The following SHOC2 variants were observed in gnomAD, a reference collection of about 807,000 sequenced individuals.
The protein encoded by SHOC2 is SHOC2 leucine rich repeat scaffold protein, also known as leucine-rich repeat protein SHOC-2.
SHOC2 carries 4 observed loss-of-function variants against 50.2 expected under a neutral mutation model. That is an observed-to-expected ratio of 0.08 (90% CI 0.04 to 0.18). SHOC2 has a LOEUF of 0.18. Ranked by LOEUF, SHOC2 falls within the 10% of genes least tolerant of loss-of-function variation. SHOC2 has a pLI of 1.00. For synonymous variants in SHOC2, 218 were observed against 244.5 expected, an observed-to-expected ratio of 0.89 and a Z score of 1.01; for missense variants, 388 against 669.6, an observed-to-expected ratio of 0.58 and a Z score of 4.64.
At chr10:110,980,629 A>T (rs1847958483) in intron 2 of SHOC2, among the ~76,000 whole-genome samples, 2 of 152,164 alleles carry the variant, frequency 1.3e-5, no homozygotes, top group Admixed American at 1.3e-4. Flanking sequence ...TACTCTGATT[A>T]TCATGGTTTG....
intron 2 of SHOC2, among the ~76,000 whole-genome samples, chr10:110,981,728 G>A (rs1413590664): frequency 6.6e-6 from 1 of 151,698 alleles, no homozygotes; most frequent in Admixed American, 6.6e-5. Context: ...CTGTTGATAT[G>A]GTAAATAACA....
intron 1 of SHOC2, among the ~76,000 whole-genome samples, chr10:110,942,635 C>T (rs1481228728): frequency 6.6e-6 from 1 of 152,202 alleles, no homozygotes; most frequent in Non-Finnish European, 1.5e-5. Context: ...CCATACCAGG[C>T]TACCTCTCTG....
At position 111,002,622 on chromosome 10, in the gene SHOC2, A is replaced by G. The variant is rs148017604; in HGVS notation, c.973-1984A>G. Among the ~76,000 whole-genome samples the G allele has an allele frequency of 1.7e-3, 253 of 152,330 alleles. 2 individuals carry two copies. Among genetic ancestry groups the G allele is most frequent in the African/African-American group, 5.6e-3 (234 of 41,566 alleles). ...ATCCTCATCAAACAGATAGCGAAAT[A>G]AGGCTTAAGAGAGGTTATATTTTTG... On this transcript the variant is annotated intron_variant, in intron 4 of 8. Transcript: ENST00000369452.
intron 4 of SHOC2, among the ~76,000 whole-genome samples, chr10:111,001,073 T>TA (rs1716481540): frequency 2.6e-5 from 4 of 151,326 alleles, no homozygotes; most frequent in African/African-American, 7.3e-5. Flanking sequence ...TTTTTTTTTT[T>TA]AACACATTTT....
Position 110,936,990 on chromosome 10 carries a change from G to C in SHOC2, c.-235+17333G>C, listed in dbSNP as rs777051716. 5.5e-6 allele frequency: 8 copies of C among 1,464,796 alleles called. No homozygotes were observed. In the East Asian group the frequency reaches 1.8e-4, roughly 33 times the overall value. The allele number at this position is 1,464,796 out of a possible 1,614,324, so 90.7% of individuals were successfully genotyped here. On this transcript the variant is annotated intron_variant, in intron 1 of 8. Transcript: ENST00000369452. ...TGGGGCAGCATACTTCGCACAGTCA[G>C]CCAGAAGATGGGGCTGGGGGCCCGG...
intron 1 of SHOC2, among the ~76,000 whole-genome samples, chr10:110,928,801 G>C (rs1033005074): frequency 3.3e-5 from 5 of 152,004 alleles, no homozygotes; most frequent in Non-Finnish European, 7.4e-5. Context: ...AGACTGAGGT[G>C]GGAGGATGGC....
chr10:111,002,939 G>A (rs1848406117), intron 4 of SHOC2, among the ~76,000 whole-genome samples: 1 of 152,116 alleles, frequency 6.6e-6, no homozygotes, highest in African/African-American at 2.4e-5. Context: ...AGAATAAAAA[G>A]AATCACATTT....
rs141791891 is a variant in SHOC2, at chr10:111,013,115, G to A, written c.*1297G>A. The A allele has an allele frequency of 2.4e-3, 368 of 152,552 alleles. 3 individuals carry two copies. Among genetic ancestry groups the A allele is most frequent in the African/African-American group, 8.3e-3 (344 of 41,578 alleles). 9.4% of individuals were successfully genotyped at this position (152,552 alleles called of 1,614,324 possible). ...CATTGGGGAGTTCAGTGGAAGTTCT[G>A]TAAGATGTGCATGTACTATTTGATG... On this transcript the variant is annotated 3_prime_UTR_variant, in exon 9 of 9. Transcript: ENST00000369452.
intron 1 of SHOC2, among the ~76,000 whole-genome samples, chr10:110,959,084 G>A (rs1383299785): frequency 1.3e-5 from 2 of 151,936 alleles, no homozygotes; most frequent in African/African-American, 4.8e-5. Context: ...AATGATATTA[G>A]AAAAAAATGA....
intron 2 of SHOC2, among the ~76,000 whole-genome samples, chr10:110,984,658 A>G (rs1353716406): frequency 6.6e-6 from 1 of 152,182 alleles, no homozygotes; most frequent in Admixed American, 6.5e-5. Context: ...GACAAGACCA[A>G]TTAAAAATGA....
chr10:110,981,296 T>C (rs1847972089), intron 2 of SHOC2, among the ~76,000 whole-genome samples: 1 of 152,194 alleles, frequency 6.6e-6, no homozygotes, highest in Non-Finnish European at 1.5e-5. Flanking sequence ...CAGTGCCCAG[T>C]ATTGTGTCTG....
At chr10:110,969,320 G>C (rs1434670579) in intron 2 of SHOC2, among the ~76,000 whole-genome samples, 1 of 152,072 alleles carries the variant, frequency 6.6e-6, no homozygotes, top group African/African-American at 2.4e-5. Context: ...AAGAACCCAT[G>C]TTTTCAGAGG....
rs184830020 is a variant in SHOC2 at position 110,954,934 on chromosome 10, A to T, written c.-234-9191A>T. On this transcript the variant is annotated intron_variant, in intron 1 of 8. Transcript: ENST00000369452. ...AATAGTAAGCCAGTGAGAGATTGGT[A>T]AGAGGTAAGGTTGAAGAGACAGGCA... 3.5e-3 allele frequency among the ~76,000 whole-genome samples: 536 copies of T among 152,286 alleles called. 2 individuals are homozygous for T. Among genetic ancestry groups the T allele is most frequent in the African/African-American group, 0.012 (507 of 41,556 alleles).
At chr10:110,966,961 A>G (rs1354902791) in intron 2 of SHOC2, among the ~76,000 whole-genome samples, 1 of 152,200 alleles carries the variant, frequency 6.6e-6, no homozygotes, top group Non-Finnish European at 1.5e-5. Context: ...ATGATTTATA[A>G]AGTTTAACTT....
At chr10:110,991,377 C>T (rs1286174762) in intron 3 of SHOC2, among the ~76,000 whole-genome samples, 12 of 152,094 alleles carry the variant, frequency 7.9e-5, no homozygotes, top group Admixed American at 7.9e-4. Context: ...CCTAGAATAA[C>T]ACATATGCCT....
At chr10:111,005,680 C>T (rs1454015164) in intron 5 of SHOC2, among the ~76,000 whole-genome samples, 2 of 152,100 alleles carry the variant, frequency 1.3e-5, no homozygotes, top group Non-Finnish European at 1.5e-5. Flanking sequence ...CTACAGTGAT[C>T]GAGTTTCACC....
chr10:111,009,237 T>C lies in SHOC2; in HGVS notation c.1285-11T>C. On this transcript the variant is annotated splice_polypyrimidine_tract_variant and intron_variant, in intron 6 of 8. Transcript: ENST00000369452. Reference sequence around the variant, plus strand: ...ATGATTTCCTAAACATTATCAATAATTTCTCATTAGGTTCTTATCTTATCA... The same window carrying C: ...ATGATTTCCTAAACATTATCAATAACTTCTCATTAGGTTCTTATCTTATCA... The C allele has an allele frequency of 2.0e-6, 3 of 1,516,894 alleles. No homozygotes were observed. 94.0% of individuals were successfully genotyped at this position (1,516,894 alleles called of 1,614,324 possible). A position where few individuals can be genotyped will look rare whatever the true frequency, so the allele number is the denominator to read the frequency against.
intron 2 of SHOC2, among the ~76,000 whole-genome samples, chr10:110,968,582 T>G (rs187045628): frequency 1.4e-3 from 210 of 151,796 alleles, no homozygotes; most frequent in African/African-American, 4.7e-3. Flanking sequence ...TTCTTCTTGT[T>G]TGAATAAATA....
At chr10:110,937,258 G>T in intron 1 of SHOC2, 5 of 883,816 alleles carry the variant, frequency 5.7e-6, no homozygotes, top group Admixed American at 4.3e-5. Context: ...TGGGAAAGCT[G>T]CTTTTTTTTT....
Sources: gnomAD v4.1 joint callset for allele counts (sites outside exome capture counted in the v4.1 genomes callset) on GRCh38, gnomAD v4.1.1 for gene constraint, MANE v1.5 for transcripts, NCBI Gene and HGNC (gene_info 2026-07-23, HGNC 2026-07-21) for gene names.